CATSPERT: variants seen among roughly 807,000 people sequenced by gnomAD.
CATSPERT encodes catsper channel auxiliary subunit tau.
At chr2:201,564,961 T>C in the CATSPERT span, among the ~76,000 whole-genome samples, 1 of 151,992 alleles carries the variant, frequency 6.6e-6, no homozygotes, top group Non-Finnish European at 1.5e-5. Context: ...GGAAATTCCA[T>C]AGTCGAGAAA....
the CATSPERT span, among the ~76,000 whole-genome samples, chr2:201,558,582 A>C: frequency 1.3e-5 from 2 of 152,136 alleles, no homozygotes; most frequent in Admixed American, 1.3e-4. Flanking sequence ...GAATATCCCC[A>C]CCAGCCCCCA....
the CATSPERT span, among the ~76,000 whole-genome samples, chr2:201,593,238 T>C: frequency 6.6e-6 from 1 of 151,890 alleles, no homozygotes; most frequent in Non-Finnish European, 1.5e-5. Flanking sequence ...TTTTGTTATG[T>C]ACCCAGTAGT....
At chr2:201,607,365 A>G in the CATSPERT span, among the ~76,000 whole-genome samples, 1 of 152,194 alleles carries the variant, frequency 6.6e-6, no homozygotes, top group Non-Finnish European at 1.5e-5. Context: ...AAATTAATAT[A>G]AATAGGTCAG....
At chr2:201,594,370 C>T in the CATSPERT span, among the ~76,000 whole-genome samples, 2 of 152,200 alleles carry the variant, frequency 1.3e-5, no homozygotes, top group African/African-American at 2.4e-5. Flanking sequence ...ATGGGCTTCC[C>T]TTTGAGGGTA....
chr2:201,614,135 T>G, the CATSPERT span, among the ~76,000 whole-genome samples: 61 of 152,282 alleles, frequency 4.0e-4, no homozygotes, highest in African/African-American at 1.4e-3. Context: ...AAAACACTCT[T>G]CAGGATATTA....
chr2:201,488,108 G>A, the CATSPERT span, among the ~76,000 whole-genome samples: 1 of 152,172 alleles, frequency 6.6e-6, no homozygotes, highest in East Asian at 1.9e-4. Context: ...TACACCCGAT[G>A]CCTCCCATTA....
At chr2:201,512,990 T>G in the CATSPERT span, among the ~76,000 whole-genome samples, 1 of 151,394 alleles carries the variant, frequency 6.6e-6, no homozygotes, top group Non-Finnish European at 1.5e-5. Context: ...TAAATGATGA[T>G]TTAATGGGTG....
chr2:201,575,413 G>T, the CATSPERT span: 1 of 1,023,382 alleles, frequency 9.8e-7, no homozygotes, highest in Non-Finnish European at 1.4e-6. Flanking sequence ...CAACCCCTAG[G>T]CCATGGACTG....
the CATSPERT span, among the ~76,000 whole-genome samples, chr2:201,545,093 C>A: frequency 3.5e-3 from 525 of 152,058 alleles, 4 homozygotes; most frequent in African/African-American, 0.012. Context: ...GCTGGAGTGC[C>A]GTGGCAAGAT....
chr2:201,576,394 C>T, the CATSPERT span, among the ~76,000 whole-genome samples: 1 of 152,218 alleles, frequency 6.6e-6, no homozygotes, highest in African/African-American at 2.4e-5. Flanking sequence ...CACCATCTTA[C>T]AGTCACTTGT....
At chr2:201,538,291 C>T in the CATSPERT span, among the ~76,000 whole-genome samples, 1 of 152,066 alleles carries the variant, frequency 6.6e-6, no homozygotes. Context: ...GCTTATTTCA[C>T]TTAGTATAAT....
the CATSPERT span, among the ~76,000 whole-genome samples, chr2:201,577,700 C>T: frequency 1.3e-5 from 2 of 152,012 alleles, no homozygotes; most frequent in African/African-American, 4.8e-5. Flanking sequence ...CTCATAGAAA[C>T]AGTAGAAAGG....
the CATSPERT span, among the ~76,000 whole-genome samples, chr2:201,528,393 C>T: frequency 6.6e-6 from 1 of 152,152 alleles, no homozygotes; most frequent in African/African-American, 2.4e-5. Context: ...CCACTTGACC[C>T]AGCAATCCCA....
At chr2:201,619,099 A>G in the CATSPERT span, 1 of 1,614,148 alleles carries the variant, frequency 6.2e-7, no homozygotes, top group South Asian at 1.1e-5. Context: ...AAGTGTGCTG[A>G]AAGGCCTATT....
the CATSPERT span, chr2:201,565,821 G>A: frequency 8.1e-6 from 13 of 1,611,840 alleles, no homozygotes; most frequent in South Asian, 1.4e-4. Context: ...TAACATTCAG[G>A]TCTGGGGATA....
chr2:201,536,390 AAATGACTCAAAATC>A, the CATSPERT span: 1 of 1,487,106 alleles, frequency 6.7e-7, no homozygotes, highest in Admixed American at 2.3e-5. Flanking sequence ...CAAATTAAGA[AAATGACTCAAAATC>A]AATTGTACCC....
chr2:201,535,612 G>C, the CATSPERT span: 1 of 1,091,006 alleles, frequency 9.2e-7, no homozygotes, highest in Non-Finnish European at 1.1e-6. Flanking sequence ...ACTAACCCAA[G>C]AGATTAATTT....
the CATSPERT span, among the ~76,000 whole-genome samples, chr2:201,591,896 G>C: frequency 6.6e-6 from 1 of 151,766 alleles, no homozygotes. Context: ...CTGAGACAAT[G>C]GGGTTTTCTA....
At chr2:201,552,218 A>C in the CATSPERT span, among the ~76,000 whole-genome samples, 7 of 5,760 alleles carry the variant, frequency 1.2e-3, no homozygotes, top group Non-Finnish European at 0.041. Context: ...TCCAGAACTC[A>C]GGGATCCTCT....
Sources: gnomAD v4.1 joint callset for allele counts (sites outside exome capture counted in the v4.1 genomes callset) on GRCh38, gnomAD v4.1.1 for gene constraint, MANE v1.5 for transcripts, NCBI Gene and HGNC (gene_info 2026-07-23, HGNC 2026-07-21) for gene names.